The following C11orf54 variants were observed in gnomAD, a reference collection of about 807,000 sequenced individuals.
The protein encoded by C11orf54 is beta-keto L-gulonate decarboxylase.
C11orf54 carries 29 observed loss-of-function variants against 35.5 expected under a neutral mutation model. The ratio of observed to expected loss-of-function variants is 0.82; its 90% CI spans 0.61 to 1.11. The LOEUF (loss-of-function observed/expected upper bound fraction) is 1.11, where lower values mean the gene tolerates loss of function less well. C11orf54 is among the 50% of genes most tolerant of loss of function. The pLI is 0.00. For synonymous variants in C11orf54, 108 were observed against 121.1 expected (o/e 0.89, Z 0.71); for missense variants, 373 against 369.2 (o/e 1.01, Z -0.08).
At position 93,751,606 on chromosome 11, in the gene C11orf54, G is replaced by A. The variant is rs565746852; in HGVS notation, c.154+1162G>A. Among the ~76,000 whole-genome samples the A allele has an allele frequency of 6.1e-4, 93 of 151,398 alleles. 2 individuals carry two copies. The South Asian group carries it at 0.018, about 29-fold the overall frequency. Reference sequence around the variant, plus strand: ...TTTTTAGTAGAGACAGGGTTTCACCGTGTTAGCCAGGATGGTCTCGATCTC... The same window carrying A: ...TTTTTAGTAGAGACAGGGTTTCACCATGTTAGCCAGGATGGTCTCGATCTC... On this transcript the variant is annotated intron_variant, in intron 3 of 8. Transcript: ENST00000354421.
chr11:93,750,478 A>G, intron 3 of C11orf54, 34 bp downstream of exon 3: 1 of 1,442,204 alleles, frequency 6.9e-7, no homozygotes, highest in Non-Finnish European at 9.7e-7. Context: ...TTTGTTTTTT[A>G]GTCATAATCT....
At chr11:93,757,917 A>C (rs1377933615) in intron 7 of C11orf54, among the ~76,000 whole-genome samples, 1 of 152,226 alleles carries the variant, frequency 6.6e-6, no homozygotes, top group Non-Finnish European at 1.5e-5. Context: ...TATTACTTTA[A>C]AATTTAAATG....
At chr11:93,747,937 A>G (rs1942572666) in intron 2 of C11orf54, among the ~76,000 whole-genome samples, 1 of 152,234 alleles carries the variant, frequency 6.6e-6, no homozygotes, top group Admixed American at 6.5e-5. Flanking sequence ...AAGATAAATT[A>G]GGAGGGAAGA....
intron 3 of C11orf54, among the ~76,000 whole-genome samples, chr11:93,752,409 C>T (rs1942885985): frequency 6.6e-6 from 1 of 152,118 alleles, no homozygotes; most frequent in African/African-American, 2.4e-5. Flanking sequence ...CTAAGATCAC[C>T]AGTGACCTTA....
intron 1 of C11orf54, among the ~76,000 whole-genome samples, chr11:93,744,828 G>A (rs760059589): frequency 6.6e-6 from 1 of 152,196 alleles, no homozygotes; most frequent in Non-Finnish European, 1.5e-5. Flanking sequence ...CAGTATGCGA[G>A]GACCTGCACC....
At chr11:93,753,191 G>A (rs1237050379) in intron 3 of C11orf54, among the ~76,000 whole-genome samples, 1 of 152,078 alleles carries the variant, frequency 6.6e-6, no homozygotes, top group African/African-American at 2.4e-5. Flanking sequence ...TGGCCAGGCT[G>A]GTCTCGAACT....
rs1942523234 is a variant in C11orf54, at chr11:93,747,298, A to G, written c.-96A>G. On this transcript the variant is annotated splice_region_variant and 5_prime_UTR_variant, in exon 2 of 9. Coordinates refer to ENST00000354421, the MANE Select transcript of C11orf54 (RefSeq NM_001286069.2). ...TGAATGCTCAATGTTCATTTCCAGA[A>G]CAGAAACTGTTCATACTTGGTGCGC... The G allele has an allele frequency of 3.3e-6, 3 of 910,346 alleles. No individual in the cohort carries two copies. The highest frequency in any genetic ancestry group is 1.7e-5 in the African/African-American group (1 of 57,822). The allele number at this position is 910,346 out of a possible 1,614,324, so 56.4% of individuals were successfully genotyped here.
chr11:93,755,928 A>T (rs2135645527), intron 6 of C11orf54, among the ~76,000 whole-genome samples: 1 of 152,120 alleles, frequency 6.6e-6, no homozygotes, highest in South Asian at 2.1e-4. Flanking sequence ...GCATTTTGGG[A>T]GGCCAAGGTG....
At position 93,757,321 on chromosome 11, in the gene C11orf54, T is replaced by C; in HGVS notation, c.513T>C (p.Ile171=). The C allele has an allele frequency of 1.3e-6, 2 of 1,597,804 alleles. No homozygotes were observed. The highest frequency in any genetic ancestry group is 1.3e-5 in the African/African-American group (1 of 74,966). Residue 171 remains isoleucine (I), a synonymous_variant, in exon 7 of 9, where the codon ATT becomes ATC. Coordinates refer to ENST00000354421, the MANE Select transcript of C11orf54 (RefSeq NM_001286069.2). Reference sequence around the variant, plus strand: ...CATCTTTATGTCCTCTATAGGTAATTGAGGTGAAAGCCAAAAGAAGAACTG... The same window carrying C: ...CATCTTTATGTCCTCTATAGGTAATCGAGGTGAAAGCCAAAAGAAGAACTG... ...FASEGQPGKV[I]EVKAKRRTGP...
intron 5 of C11orf54, 138 bp from the exon 6 acceptor site, chr11:93,755,072 A>G: frequency 1.1e-6 from 1 of 921,416 alleles, no homozygotes. Flanking sequence ...GTCTAAAATT[A>G]AATATTATGT....
At chr11:93,755,515 G>A (rs556755504) in intron 6 of C11orf54, 129 bp downstream of exon 6, 2 of 996,150 alleles carry the variant, frequency 2.0e-6, no homozygotes, top group African/African-American at 1.6e-5. Flanking sequence ...CAAGCTGGGT[G>A]GATAACTTGA....
At position 93,761,611 on chromosome 11, in the gene C11orf54, C is replaced by CT. The variant is rs762190770; in HGVS notation, c.873dup (p.Gly292TrpfsTer13). The CT allele has an allele frequency of 1.4e-5, 22 of 1,613,340 alleles. No individual in the cohort carries two copies. In the South Asian group the frequency reaches 2.4e-4, roughly 18 times the overall value. On this transcript the variant is annotated frameshift_variant, in exon 9 of 9. Transcript: ENST00000354421. LOFTEE classifies it high-confidence loss of function. ...CACTACTCCAGATATAGTGGAATAT[C>CT]TTGGATACTTCTTACCTGCAGAGTT...
Position 93,763,012 on chromosome 11 carries a change from G to A in C11orf54, c.*1324G>A, listed in dbSNP as rs1943542225. On this transcript the variant is annotated 3_prime_UTR_variant, in exon 9 of 9. Coordinates refer to ENST00000354421, the MANE Select transcript of C11orf54 (RefSeq NM_001286069.2). Reference sequence around the variant, plus strand: ...ATTGTCTACTTTGGATGTTAGCTATGTCTTGTGAGTATAAATTCCAATTTT... The same window carrying A: ...ATTGTCTACTTTGGATGTTAGCTATATCTTGTGAGTATAAATTCCAATTTT... The A allele has an allele frequency of 6.6e-6, 1 of 152,160 alleles. No homozygotes were observed. The highest frequency in any genetic ancestry group is 1.5e-5 in the Non-Finnish European group (1 of 68,022). The allele number at this position is 152,160 out of a possible 1,614,324, so 9.4% of individuals were successfully genotyped here. A position where few individuals can be genotyped will look rare whatever the true frequency, so the allele number is the denominator to read the frequency against.
At chr11:93,750,123 A>C (rs1942733627) in intron 2 of C11orf54, among the ~76,000 whole-genome samples, 1 of 152,240 alleles carries the variant, frequency 6.6e-6, no homozygotes, top group African/African-American at 2.4e-5. Context: ...TATCTTCAAC[A>C]GTTGAAAATC....
chr11:93,743,161 C>T (rs1374996845), intron 1 of C11orf54, among the ~76,000 whole-genome samples: 7 of 151,894 alleles, frequency 4.6e-5, no homozygotes, highest in Non-Finnish European at 8.8e-5. Context: ...CCACCACAAC[C>T]GGCTAATTTT....
chr11:93,760,744 C>T (rs1285589094), intron 8 of C11orf54, among the ~76,000 whole-genome samples: 8 of 152,004 alleles, frequency 5.3e-5, no homozygotes, highest in African/African-American at 1.9e-4. Context: ...CTGCAACCTC[C>T]GCCTCTTGGG....
chr11:93,747,525 CTA>C, intron 2 of C11orf54, 77 bp downstream of exon 2: 1 of 1,014,038 alleles, frequency 9.9e-7, no homozygotes. Context: ...TAAGATCTAT[CTA>C]TATCTTACTA....
intron 7 of C11orf54, 116 bp downstream of exon 7, chr11:93,757,581 G>T (rs2135661815): frequency 8.7e-7 from 1 of 1,150,734 alleles, no homozygotes; most frequent in African/African-American, 1.5e-5. Context: ...CCATGCTGGA[G>T]TGTAGTGGCA....
At chr11:93,749,143 CAAAAA>C (rs879164036) in intron 2 of C11orf54, among the ~76,000 whole-genome samples, 2 of 54,188 alleles carry the variant, frequency 3.7e-5, no homozygotes, top group African/African-American at 6.5e-5. Context: ...GACTCCATCT[CAAAAA>C]AAAAAAAAAA....
Sources: gnomAD v4.1 joint callset for allele counts (sites outside exome capture counted in the v4.1 genomes callset) on GRCh38, gnomAD v4.1.1 for gene constraint, MANE v1.5 for transcripts, NCBI Gene and HGNC (gene_info 2026-07-23, HGNC 2026-07-21) for gene names.